POLR1B: variants seen among roughly 807,000 people sequenced by gnomAD.
The protein encoded by POLR1B is RNA polymerase I subunit B, also known as DNA-directed RNA polymerase I subunit RPA2.
In POLR1B, 30 loss-of-function variants were observed where a neutral mutation model predicts 105.8. That is an observed-to-expected ratio of 0.28 (90% CI 0.21 to 0.38). The LOEUF is 0.38. POLR1B is among the 10% of genes least tolerant of loss of function. POLR1B has a pLI of 1.00. For synonymous variants in POLR1B, 485 were observed against 505.1 expected (o/e 0.96, Z 0.53); for missense variants, 976 against 1,435.8 (o/e 0.68, Z 5.17).
intron 10 of POLR1B, among the ~76,000 whole-genome samples, chr2:112,566,466 T>A (rs974455111): frequency 1.4e-4 from 22 of 152,368 alleles, no homozygotes; most frequent in African/African-American, 5.3e-4. Flanking sequence ...ACCAGCATTT[T>A]TTCTATGTTT....
chr2:112,548,429 A>T (rs2104512251), intron 3 of POLR1B, among the ~76,000 whole-genome samples: 1 of 152,342 alleles, frequency 6.6e-6, no homozygotes, highest in South Asian at 2.1e-4. Flanking sequence ...CCTGTTTCAT[A>T]GTAGGCAATT....
chr2:112,553,661 T>C (rs1683492265), intron 7 of POLR1B: 1 of 151,994 alleles, frequency 6.6e-6, no homozygotes, highest in South Asian at 2.1e-4. Context: ...TGAAGCGCTG[T>C]CTAGTGTTCA....
intron 5 of POLR1B, 114 bp downstream of exon 5, chr2:112,551,116 C>A: frequency 1.9e-6 from 2 of 1,036,460 alleles, no homozygotes; most frequent in Non-Finnish European, 1.4e-6. Context: ...TTGTCTACTG[C>A]TCCAAAACAA....
intron 9 of POLR1B, among the ~76,000 whole-genome samples, chr2:112,559,828 C>T (rs555306023): frequency 6.6e-6 from 1 of 152,152 alleles, no homozygotes; most frequent in African/African-American, 2.4e-5. Flanking sequence ...GACAGGGTTT[C>T]ACCGTGTTAG....
At chr2:112,559,894 T>TGCTG (rs1683881147) in intron 9 of POLR1B, among the ~76,000 whole-genome samples, 1 of 152,110 alleles carries the variant, frequency 6.6e-6, no homozygotes, top group Non-Finnish European at 1.5e-5. Context: ...CCTCCCAAAG[T>TGCTG]GCTGGGATTA....
At position 112,572,544 on chromosome 2, in the gene POLR1B, T is replaced by C; in HGVS notation, c.2075-18T>C. 6.6e-7 allele frequency: 1 copy of C among 1,523,748 alleles called. No homozygotes were observed. 94.4% of individuals were successfully genotyped at this position (1,523,748 alleles called of 1,614,324 possible). A position where few individuals can be genotyped will look rare whatever the true frequency, so the allele number is the denominator to read the frequency against. The stretch of plus-strand genomic sequence containing the variant: ...ATGAAAGCAGCAGAAAATGCTAAGA[T>C]GTTTTTTCTCCATGTAGGTAAGCAA... On this transcript the variant is annotated intron_variant, in intron 12 of 14. Transcript: ENST00000263331.
intron 11 of POLR1B, 109 bp from the exon 12 acceptor site, chr2:112,568,637 G>T: frequency 8.0e-7 from 1 of 1,246,846 alleles, no homozygotes; most frequent in Non-Finnish European, 1.1e-6. Context: ...ATGATGCTGG[G>T]TGGGGATGGT....
Position 112,558,098 on chromosome 2 carries a change from C to A in POLR1B, c.1330+17C>A, listed in dbSNP as rs372996291. 2 of 1,316,162 alleles carry A rather than the reference C, an allele frequency of 1.5e-6. No homozygotes were observed. The highest frequency in any genetic ancestry group is 9.8e-7 in the Non-Finnish European group (1 of 1,021,412). 81.5% of individuals were successfully genotyped at this position (1,316,162 alleles called of 1,614,324 possible). ...CTAAAACAGGTAAAATTAAATCGAT[C>A]GTTTTAGTTATGTTTTTCAAATTAG... On this transcript the variant is annotated intron_variant, in intron 8 of 14. Coordinates refer to ENST00000263331, the MANE Select transcript of POLR1B (RefSeq NM_019014.6).
Position 112,576,219 on chromosome 2 carries a change from T to A in POLR1B, c.*490T>A, listed in dbSNP as rs558009393. On this transcript the variant is annotated 3_prime_UTR_variant, in exon 15 of 15. Transcript: ENST00000263331. ...GTTGTTACATATTTAATGAATACAA[T>A]TTGATGGGTCTGACTATATGCACAC... 6.4e-6 allele frequency: 1 copy of A among 156,846 alleles called. No individual in the cohort carries two copies. Among genetic ancestry groups the A allele is most frequent in the East Asian group, 1.9e-4 (1 of 5,342 alleles). 9.7% of individuals were successfully genotyped at this position (156,846 alleles called of 1,614,324 possible).
intron 10 of POLR1B, among the ~76,000 whole-genome samples, chr2:112,565,401 T>C (rs965354672): frequency 2.6e-5 from 4 of 152,236 alleles, no homozygotes; most frequent in African/African-American, 9.6e-5. Flanking sequence ...TGTCTCATTT[T>C]CCATAAAGAT....
At position 112,576,820 on chromosome 2, in the gene POLR1B, G is replaced by GA. The variant is rs1370256243; in HGVS notation, c.*1094dup. ...AAGTGATCCACCCACCTCGGCCTCC[G>GA]AAAGTGCTAGGATTACAGGTGTGAG... On this transcript the variant is annotated 3_prime_UTR_variant, in exon 15 of 15. Transcript: ENST00000263331. The GA allele has an allele frequency of 6.6e-6, 1 of 152,102 alleles. No homozygotes were observed. The highest frequency in any genetic ancestry group is 1.5e-5 in the Non-Finnish European group (1 of 68,004). 9.4% of individuals were successfully genotyped at this position (152,102 alleles called of 1,614,324 possible).
In POLR1B at chr2:112,550,994, G is replaced by C; in HGVS notation, c.754G>C (p.Ala252Pro). ...ACTGTTCTTTCTTCCTTTGGGATTT[G>C]CACTTAAGGTATGACTTAATGAATG... is the stretch of plus-strand genomic sequence containing the variant. ...KELFFLPLGF[A>P]LKALVSFSDY... is the part of the protein sequence containing the mutation. Residue 252 changes from alanine to proline, a missense_variant, in exon 5 of 15, where the codon GCA becomes CCA. Transcript: ENST00000263331. 1 of 1,613,422 alleles carries C rather than the reference G, an allele frequency of 6.2e-7. No homozygotes were observed. Among genetic ancestry groups the C allele is most frequent in the Non-Finnish European group, 8.5e-7 (1 of 1,179,374 alleles).
intron 14 of POLR1B, 31 bp downstream of exon 14, chr2:112,573,846 T>C: frequency 6.3e-7 from 1 of 1,598,108 alleles, no homozygotes. Context: ...TGTTTTGTTT[T>C]TGTTTTTGTT....
chr2:112,544,145 A>G (rs1682916108), intron 1 of POLR1B, among the ~76,000 whole-genome samples: 1 of 152,110 alleles, frequency 6.6e-6, no homozygotes, highest in Non-Finnish European at 1.5e-5. Flanking sequence ...AAAATAAGCC[A>G]GTCGGCTGGG....
At chr2:112,552,852 A>T (rs777463035) in intron 7 of POLR1B, 36 bp downstream of exon 7, 1 of 1,472,416 alleles carries the variant, frequency 6.8e-7, no homozygotes, top group Non-Finnish European at 9.0e-7. Flanking sequence ...GGCCAGTGGT[A>T]CCACTTGTGG....
rs187761225 is a variant in POLR1B at position 112,549,228 on chromosome 2, T to C, written c.493-39T>C. ...AGGTTCATGTTTACAGTTAGTCATG[T>C]ATCTTTGTTTAACAAGTTGCAATTC... is the stretch of plus-strand genomic sequence containing the variant. On this transcript the variant is annotated intron_variant, in intron 3 of 14. Coordinates refer to ENST00000263331, the MANE Select transcript of POLR1B (RefSeq NM_019014.6). 61 of 1,607,224 alleles carry C rather than the reference T, an allele frequency of 3.8e-5. No homozygotes were observed. The East Asian group carries it at 1.2e-3, about 31-fold the overall frequency.
upstream of POLR1B, chr2:112,542,279 G>T: frequency 6.5e-7 from 1 of 1,533,132 alleles, no homozygotes; most frequent in Non-Finnish European, 8.7e-7. Flanking sequence ...CGCTCTGGCT[G>T]GACACGGCCT....
intron 9 of POLR1B, 118 bp downstream of exon 9, chr2:112,559,692 G>A (rs1464751840): frequency 2.0e-5 from 24 of 1,191,918 alleles, no homozygotes; most frequent in African/African-American, 7.6e-5. Context: ...GTGCAGTGGC[G>A]CGATCTTGGC....
chr2:112,549,174 G>C, intron 3 of POLR1B, 93 bp from the exon 4 acceptor site: 1 of 1,370,268 alleles, frequency 7.3e-7, no homozygotes, highest in Non-Finnish European at 1.0e-6. Context: ...TTCCTATTCT[G>C]TGTGTTGTAC....
Sources: allele counts gnomAD v4.1 joint callset (sites outside exome capture counted in the v4.1 genomes callset), GRCh38; gene constraint gnomAD v4.1.1; transcripts MANE v1.5; gene names NCBI Gene and HGNC (gene_info 2026-07-23, HGNC 2026-07-21).